TRIM66: variants seen among roughly 807,000 people sequenced by gnomAD.
TRIM66 encodes tripartite motif containing 66.
In TRIM66, 99 loss-of-function variants were observed where a neutral mutation model predicts 148.2. The observed-to-expected ratio is 0.67, with a 90% CI of 0.57 to 0.79. The LOEUF is 0.79. Among genes scored for constraint, TRIM66 ranks in the 30% least tolerant of loss-of-function variants. The pLI is 0.00. For missense variants in TRIM66, 1,666 were observed against 1,697.9 expected (o/e 0.98, Z 0.33); for synonymous variants, 616 against 635.9 (o/e 0.97, Z 0.47).
At chr11:8,671,630 T>G in intron 6 of TRIM66, 156 bp downstream of exon 6, 1 of 596,890 alleles carries the variant, frequency 1.7e-6, no homozygotes, top group South Asian at 2.0e-5. Flanking sequence ...GAGGATTCAC[T>G]CTGTCTCACA....
intron 18 of TRIM66, among the ~76,000 whole-genome samples, chr11:8,622,365 C>CACACACATATATATATAT: frequency 3.4e-5 from 2 of 59,574 alleles, no homozygotes; most frequent in African/African-American, 1.1e-4. Context: ...CACACACACA[C>CACACACATATATATATAT]ATATATATAT....
Position 8,614,290 on chromosome 11 carries a change from C to T in TRIM66, c.*3654G>A, listed in dbSNP as rs996484120. 3 of 152,082 alleles carry T rather than the reference C, an allele frequency of 2.0e-5. No homozygotes were observed. The highest frequency in any genetic ancestry group is 7.2e-5 in the African/African-American group (3 of 41,386). The allele number at this position is 152,082 out of a possible 1,614,324, so 9.4% of individuals were successfully genotyped here. A position where few individuals can be genotyped will look rare whatever the true frequency, so the allele number is the denominator to read the frequency against. On this transcript the variant is annotated 3_prime_UTR_variant, in exon 25 of 25. Transcript: ENST00000646038. The stretch of plus-strand genomic sequence containing the variant: ...GAAGGCAGAGGTTGCAATGAGCCGA[C>T]ATCATACCACTGCACTCCAGCCTGC...
In TRIM66 at chr11:8,640,619, G is replaced by A. The variant is rs868336940; in HGVS notation, c.1756C>T (p.His586Tyr). ...AAGTGACTGAGCTTCAGCTTCTGGT[G>A]GTGGCCAAACTGGACTTGGATAGAG... ...TPSIQVQFGH[H>Y]QKLKLSHFQQ... The change falls in exon 14 of 25, where the codon CAC becomes TAC. Residue 586 changes from histidine (H) to tyrosine (Y), a missense_variant. By Grantham distance (83) the His-to-Tyr change is moderately conservative. This residue lies in a region of TRIM66 where 1,431 missense variants were observed against 1,412.4 expected (regional missense o/e 1.01). Coordinates refer to ENST00000646038, the MANE Select transcript of TRIM66 (RefSeq NM_001388022.1). The A allele has an allele frequency of 7.1e-6, 11 of 1,551,524 alleles. No homozygotes were observed. In the African/African-American group the frequency reaches 1.4e-4, roughly 19 times the overall value.
chr11:8,642,560 A>G (rs749260611), intron 13 of TRIM66, among the ~76,000 whole-genome samples: 8 of 152,180 alleles, frequency 5.3e-5, no homozygotes, highest in African/African-American at 9.7e-5. Context: ...TCGAAAGGAT[A>G]TGTCTGTGTG....
Position 8,671,832 on chromosome 11 carries a change from T to C in TRIM66, c.294A>G (p.Ile98Met), listed in dbSNP as rs937350321. The change falls in exon 6 of 25, where the codon ATA becomes ATG. Residue 98 changes from isoleucine (I) to methionine (M), a missense_variant. Physicochemically the swap from Ile to Met is conservative, Grantham distance 10. This residue lies in a region of TRIM66 where 1,431 missense variants were observed against 1,412.4 expected (regional missense o/e 1.01). Transcript: ENST00000646038. ...LLRKDCFQGL[I>M]QELGQIAKAH... ...CCTTGGCAATCTGCCCTAGCTCCTGTATCAAGCCCTGGAAGCAGTCCTTAC... is the reference window on the plus strand; with the variant it reads ...CCTTGGCAATCTGCCCTAGCTCCTGCATCAAGCCCTGGAAGCAGTCCTTAC... The C allele has an allele frequency of 6.5e-7, 1 of 1,527,972 alleles. No homozygotes were observed. The highest frequency in any genetic ancestry group is 1.4e-5 in the African/African-American group (1 of 73,014). 94.7% of individuals were successfully genotyped at this position (1,527,972 alleles called of 1,614,324 possible).
chr11:8,632,949 G>T (rs1242686613), intron 15 of TRIM66, among the ~76,000 whole-genome samples: 2 of 152,176 alleles, frequency 1.3e-5, no homozygotes, highest in Non-Finnish European at 2.9e-5. Flanking sequence ...AAAGTGCCCA[G>T]TGCCCTGATA....
chr11:8,680,533 A>G (rs2039364701), intron 1 of TRIM66: 1 of 152,202 alleles, frequency 6.6e-6, no homozygotes, highest in African/African-American at 2.4e-5. Flanking sequence ...GTGTAGTAGA[A>G]GAAGAGAAGG....
chr11:8,651,973 C>G (rs1175184933), intron 6 of TRIM66, 70 bp from the exon 7 acceptor site: 9 of 1,242,896 alleles, frequency 7.2e-6, no homozygotes, highest in African/African-American at 1.5e-5. Flanking sequence ...GGACATAAGG[C>G]TTTCTAATAC....
chr11:8,659,399 CAA>C (rs1388340595), intron 6 of TRIM66, among the ~76,000 whole-genome samples: 2 of 152,098 alleles, frequency 1.3e-5, no homozygotes, highest in Non-Finnish European at 2.9e-5. Flanking sequence ...AGACTCATTT[CAA>C]AGAGAACTGA....
chr11:8,644,354 C>A (rs1416455683), intron 12 of TRIM66: 5 of 443,142 alleles, frequency 1.1e-5, no homozygotes, highest in Non-Finnish European at 1.8e-5. Flanking sequence ...CTTTCTCTTC[C>A]ACTGCACTCA....
chr11:8,672,655 C>G (rs1481966184), intron 4 of TRIM66, among the ~76,000 whole-genome samples: 1 of 141,392 alleles, frequency 7.1e-6, no homozygotes, highest in South Asian at 2.4e-4. Flanking sequence ...GGATCTCACT[C>G]TGTGGCCCAG....
In TRIM66 at chr11:8,624,396, G is replaced by A. The variant is rs1288066863; in HGVS notation, c.2982C>T (p.Ser994=). ...GGTACTGCTGCAGAGCTGTAGACGT[G>A]CTGACCACTGGCGCCAGTGGAGGTT... ...VKKPPLAPVV[S]TSTALQQYQN... Residue 994 remains serine (S), a synonymous_variant, in exon 17 of 25, where the codon AGC becomes AGT. Transcript: ENST00000646038. 4 of 1,551,410 alleles carry A rather than the reference G, an allele frequency of 2.6e-6. No homozygotes were observed. The highest frequency in any genetic ancestry group is 2.6e-6 in the Non-Finnish European group (3 of 1,146,964).
chr11:8,618,975 G>T lies in TRIM66; in HGVS notation c.3901-7C>A, dbSNP rs755245183. ...CTGCAACCTCGGAGTCAGGCTGATG[G>T]GGGAGGAGAGCAGTGATGGTCTAGC... is the stretch of plus-strand genomic sequence containing the variant. On this transcript the variant is annotated splice_polypyrimidine_tract_variant and splice_region_variant and intron_variant, in intron 23 of 24. Coordinates refer to ENST00000646038, the MANE Select transcript of TRIM66 (RefSeq NM_001388022.1). 3.2e-6 allele frequency: 5 copies of T among 1,550,776 alleles called. No individual in the cohort carries two copies. The East Asian group carries it at 9.8e-5, about 30-fold the overall frequency.
chr11:8,682,745 G>GC (rs1012136867), upstream of TRIM66: 5 of 1,607,958 alleles, frequency 3.1e-6, no homozygotes, highest in Admixed American at 3.3e-5. Context: ...GAGGCGTTTT[G>GC]CCCCGCCCCC....
intron 3 of TRIM66, among the ~76,000 whole-genome samples, chr11:8,678,787 G>A (rs1260978171): frequency 6.6e-6 from 1 of 152,202 alleles, no homozygotes; most frequent in South Asian, 2.1e-4. Context: ...GCTGCTATCT[G>A]AAGGACTGAT....
intron 6 of TRIM66, among the ~76,000 whole-genome samples, chr11:8,668,837 C>T (rs191136061): frequency 2.0e-5 from 3 of 152,214 alleles, no homozygotes; most frequent in Admixed American, 6.5e-5. Flanking sequence ...CCGCCCACCT[C>T]GGCCTCCCAA....
At chr11:8,675,969 C>T (rs1418985920) in intron 3 of TRIM66, among the ~76,000 whole-genome samples, 1 of 152,112 alleles carries the variant, frequency 6.6e-6, no homozygotes, top group Non-Finnish European at 1.5e-5. Context: ...AATCTCCAGA[C>T]CTCGTGATCC....
intron 3 of TRIM66, 25 bp from the exon 4 acceptor site, chr11:8,674,908 T>C (rs1305549435): frequency 1.3e-5 from 2 of 152,236 alleles, no homozygotes; most frequent in African/African-American, 2.4e-5. Flanking sequence ...AGTACTTTAA[T>C]AGCCTTATCA....
At chr11:8,641,277 T>C (rs373384598) in intron 13 of TRIM66, 125 bp from the exon 14 acceptor site, 2 of 878,880 alleles carry the variant, frequency 2.3e-6, no homozygotes, top group African/African-American at 1.7e-5. Flanking sequence ...ATTAAGAAAC[T>C]CAACCCTTGA....
Sources: gnomAD v4.1 joint callset for allele counts (sites outside exome capture counted in the v4.1 genomes callset) on GRCh38, gnomAD v4.1.1 for gene constraint, gnomAD v4.1.1 regional missense constraint, MANE v1.5 for transcripts, NCBI Gene and HGNC (gene_info 2026-07-23, HGNC 2026-07-21) for gene names.